ATRX: variants seen among roughly 807,000 people sequenced by gnomAD.
ATRX encodes the protein chromatin remodeler ATRX.
In ATRX, 12 loss-of-function variants were observed where a neutral mutation model predicts 172.6. The observed-to-expected ratio is 0.07, with a 90% CI of 0.04 to 0.11. The LOEUF (loss-of-function observed/expected upper bound fraction) is 0.11, where lower values mean the gene tolerates loss of function less well. Ranked by LOEUF, ATRX falls within the 10% of genes least tolerant of loss-of-function variation. ATRX has a pLI of 1.00. For missense variants in ATRX, 1,368 were observed against 1,767.4 expected, an observed-to-expected ratio of 0.77 and a Z score of 4.05; for synonymous variants, 674 against 594.7, an observed-to-expected ratio of 1.13 and a Z score of -1.94.
intron 19 of ATRX, among the ~76,000 whole-genome samples, chrX:77,624,750 C>T (rs2067753658): frequency 8.9e-6 from 1 of 112,153 alleles, no homozygotes; most frequent in Non-Finnish European, 1.9e-5. Flanking sequence ...ATAGGCGACA[C>T]AAACAAATGG....
At chrX:77,726,462 G>A (rs184213840) in intron 1 of ATRX, among the ~76,000 whole-genome samples, 1 of 91,631 alleles carries the variant, frequency 1.1e-5, no homozygotes, top group Non-Finnish European at 2.2e-5. Flanking sequence ...ATCACACACC[G>A]GGGCCTGTCA....
chrX:77,655,880 C>T (rs1207981942), intron 13 of ATRX, among the ~76,000 whole-genome samples: 1 of 110,873 alleles, frequency 9.0e-6, no homozygotes, highest in Admixed American at 9.7e-5. Flanking sequence ...CAAACACACA[C>T]AGATTGTTCA....
At chrX:77,780,932 T>C (rs1372936370) in intron 1 of ATRX, among the ~76,000 whole-genome samples, 2 of 110,241 alleles carry the variant, frequency 1.8e-5, no homozygotes, top group Non-Finnish European at 3.8e-5. Context: ...CAGTGAGACC[T>C]TGTCCCAAAA....
At chrX:77,571,544 G>A (rs2065412721) in intron 28 of ATRX, among the ~76,000 whole-genome samples, 1 of 111,475 alleles carries the variant, frequency 9.0e-6, no homozygotes, top group South Asian at 3.7e-4. Flanking sequence ...CATTGTCAGG[G>A]GTTAAGGTTA....
intron 1 of ATRX, among the ~76,000 whole-genome samples, chrX:77,726,936 TCTGAC>T (rs1331065720): frequency 9.0e-6 from 1 of 110,665 alleles, no homozygotes; most frequent in Non-Finnish European, 1.9e-5. Context: ...TTTTTATCCA[TCTGAC>T]AAAGGGCTAA....
intron 1 of ATRX, among the ~76,000 whole-genome samples, chrX:77,767,027 G>A (rs1261294951): frequency 1.8e-5 from 2 of 111,301 alleles, no homozygotes; most frequent in African/African-American, 6.5e-5. Context: ...AGACCAGCCC[G>A]GCCAACACAG....
intron 10 of ATRX, among the ~76,000 whole-genome samples, chrX:77,668,893 T>C (rs982444705): frequency 9.2e-6 from 1 of 109,278 alleles, no homozygotes; most frequent in Non-Finnish European, 1.9e-5. Context: ...ACTCCAATCC[T>C]ATCTAGAAAG....
In ATRX at chrX:77,697,617, T is replaced by C; in HGVS notation, c.208A>G (p.Lys70Glu). Reference sequence around the variant, plus strand: ...CGTGACGATCCTGAAGACTTGGATTTTTCTGAAGAGCTAGTTCCCTAGATG... The same window carrying C: ...CGTGACGATCCTGAAGACTTGGATTCTTCTGAAGAGCTAGTTCCCTAGATG... Reference protein sequence around the residue: ...SKEEGTSSSEKSKSSGSSRSK... With the variant: ...SKEEGTSSSEESKSSGSSRSK... Residue 70 changes from lysine (K) to glutamate (E), a missense_variant, in exon 4 of 35, where the codon AAA (lysine) becomes GAA (glutamate). By Grantham distance (56) the Lys-to-Glu change is moderately conservative. Transcript: ENST00000373344. The C allele has an allele frequency of 8.3e-7, 1 of 1,210,511 alleles. No homozygotes were observed. Among genetic ancestry groups the C allele is most frequent in the Non-Finnish European group, 1.1e-6 (1 of 894,665 alleles).
At chrX:77,705,586 C>G (rs781928457) in intron 2 of ATRX, among the ~76,000 whole-genome samples, 1 of 112,164 alleles carries the variant, frequency 8.9e-6, no homozygotes, top group Admixed American at 9.4e-5. Context: ...TTCCAAAATT[C>G]ATATGGACCA....
At chrX:77,639,008 A>G (rs1446540249) in intron 15 of ATRX, among the ~76,000 whole-genome samples, 2 of 112,358 alleles carry the variant, frequency 1.8e-5, no homozygotes, top group African/African-American at 3.2e-5. Context: ...GCTTCATATC[A>G]CTGGGGTAAA....
In ATRX at chrX:77,693,689, A is replaced by G; in HGVS notation, c.484+135T>C. Reference sequence around the variant, plus strand: ...TCTGCTTCAGAGCTCAGAGAGAAACAGAAGTTATATTTAAGTAGTGCTTTT... The same window carrying G: ...TCTGCTTCAGAGCTCAGAGAGAAACGGAAGTTATATTTAAGTAGTGCTTTT... On this transcript the variant is annotated intron_variant, in intron 6 of 34. Coordinates refer to ENST00000373344, the MANE Select transcript of ATRX (RefSeq NM_000489.6). The G allele has an allele frequency of 5.8e-6, 3 of 515,856 alleles. No individual in the cohort carries two copies. The South Asian group carries it at 8.2e-5, about 14-fold the overall frequency. The allele number at this position is 515,856 out of a possible 1,213,427, so 42.5% of individuals were successfully genotyped here.
At chrX:77,620,635 C>T (rs1194577575) in intron 19 of ATRX, 103 bp from the exon 20 acceptor site, 11 of 798,092 alleles carry the variant, frequency 1.4e-5, no homozygotes, top group Non-Finnish European at 2.0e-5. Context: ...GCTGATCTTA[C>T]AGGAAGATAA....
intron 2 of ATRX, among the ~76,000 whole-genome samples, chrX:77,708,304 C>G (rs940316766): frequency 3.6e-5 from 4 of 112,349 alleles, no homozygotes; most frequent in African/African-American, 1.3e-4. Flanking sequence ...ATACATTACG[C>G]TAAATGAAAG....
chrX:77,669,120 C>A, intron 10 of ATRX, among the ~76,000 whole-genome samples: 1 of 111,418 alleles, frequency 9.0e-6, no homozygotes. Context: ...TGTCATTCTA[C>A]AGATGAGGAA....
chrX:77,678,860 T>TA (rs2071047206), intron 9 of ATRX, among the ~76,000 whole-genome samples: 1 of 111,020 alleles, frequency 9.0e-6, no homozygotes, highest in African/African-American at 3.3e-5. Context: ...TAGGACCATG[T>TA]TCTTCATCTT....
chrX:77,644,105 A>G (rs1180201122), intron 15 of ATRX, among the ~76,000 whole-genome samples: 1 of 111,933 alleles, frequency 8.9e-6, no homozygotes, highest in East Asian at 2.8e-4. Context: ...ATGTCTGGCT[A>G]AATTTTTTGT....
At chrX:77,611,064 A>G (rs2067133857) in intron 22 of ATRX, among the ~76,000 whole-genome samples, 1 of 110,669 alleles carries the variant, frequency 9.0e-6, no homozygotes, top group Admixed American at 9.7e-5. Context: ...GGAAAGCAAG[A>G]TATTAAATAT....
intron 2 of ATRX, among the ~76,000 whole-genome samples, chrX:77,707,244 C>G (rs1258579353): frequency 8.9e-6 from 1 of 111,823 alleles, no homozygotes; most frequent in African/African-American, 3.2e-5. Context: ...GTGATGGGTA[C>G]AGAGTTTCAC....
intron 1 of ATRX, among the ~76,000 whole-genome samples, chrX:77,767,479 T>A (rs905564197): frequency 1.8e-5 from 2 of 109,760 alleles, no homozygotes; most frequent in Non-Finnish European, 1.9e-5. Context: ...CACTGCAACC[T>A]CCGACTCCTG....
Sources: allele counts gnomAD v4.1 joint callset (sites outside exome capture counted in the v4.1 genomes callset), GRCh38; gene constraint gnomAD v4.1.1; transcripts MANE v1.5; gene names NCBI Gene and HGNC (gene_info 2026-07-23, HGNC 2026-07-21).